GNL3L: variants seen among roughly 807,000 people sequenced by gnomAD.
GNL3L encodes G protein nucleolar 3 like, also known as guanine nucleotide-binding protein-like 3-like protein.
GNL3L carries 4 observed loss-of-function variants against 42.9 expected under a neutral mutation model. The ratio of observed to expected loss-of-function variants is 0.09; its 90% confidence interval spans 0.05 to 0.21. The LOEUF (loss-of-function observed/expected upper bound fraction) is 0.21. Ranked by LOEUF, GNL3L falls within the 10% of genes least tolerant of loss-of-function variation. The pLI, the probability that GNL3L is intolerant of heterozygous loss-of-function variation, is 1.00. For missense variants in GNL3L, 412 were observed against 481.7 expected (o/e 0.86, Z 1.36); for synonymous variants, 159 against 176.3 (o/e 0.90, Z 0.78).
rs781010041 is a variant in GNL3L, at chrX:54,541,408, C to A, written c.306+19C>A. 3 of 1,025,456 alleles carry A rather than the reference C, an allele frequency of 2.9e-6. No homozygotes were observed. In the Admixed American group the frequency reaches 6.7e-5, roughly 23 times the overall value. 84.5% of individuals were successfully genotyped at this position (1,025,456 alleles called of 1,213,427 possible). A position where few individuals can be genotyped will look rare whatever the true frequency, so the allele number is the denominator to read the frequency against. On this transcript the variant is annotated intron_variant, in intron 5 of 15. Transcript: ENST00000360845. The stretch of plus-strand genomic sequence containing the variant: ...GCATAAGGTAAGAGTGCAGCCCTTG[C>A]CCCTGGGTAGGTTTGCTCAAAGCAT...
intron 3 of GNL3L, among the ~76,000 whole-genome samples, chrX:54,539,623 A>C (rs1038071595): frequency 9.0e-6 from 1 of 111,528 alleles, no homozygotes; most frequent in Non-Finnish European, 1.9e-5. Context: ...CACCTGGAGG[A>C]TGGGGGAAAA....
rs1925372492 is a variant in GNL3L at position 54,564,675 on chromosome X, G to A, written c.*4073G>A. 9.4e-6 allele frequency among the ~76,000 whole-genome samples: 1 copy of A among 106,346 alleles called. No homozygotes were observed. Among genetic ancestry groups the A allele is most frequent in the African/African-American group, 3.4e-5 (1 of 29,151 alleles). 92.3% of individuals were successfully genotyped at this position (106,346 alleles called of 115,157 possible). On this transcript the variant is annotated 3_prime_UTR_variant, in exon 16 of 16. Coordinates refer to ENST00000360845, the MANE Select transcript of GNL3L (RefSeq NM_001184819.2). ...CCTGCCTCAGCCTCCCAAAGTGCTG[G>A]GATTACAAGAGTGAGCCACTGCGCC...
intron 16 of GNL3L, among the ~76,000 whole-genome samples, chrX:54,592,645 G>A (rs1300365730): frequency 3.6e-5 from 4 of 110,450 alleles, no homozygotes; most frequent in Admixed American, 2.9e-4. Flanking sequence ...GCAAAACCCT[G>A]TCTCTACAAA....
At chrX:54,630,743 TTTCTTTCC>T in the GNL3L span, among the ~76,000 whole-genome samples, 12 of 96,054 alleles carry the variant, frequency 1.2e-4, no homozygotes, top group African/African-American at 4.6e-4. Flanking sequence ...TTTCTTTCTC[TTTCTTTCC>T]CTTTCTTTCC....
chrX:54,568,488 T>A (rs765175392), downstream of GNL3L, among the ~76,000 whole-genome samples: 4 of 111,384 alleles, frequency 3.6e-5, no homozygotes, highest in Non-Finnish European at 5.6e-5. Context: ...TTTCAGCTTC[T>A]AGAGGCTGCT....
Position 54,560,869 on chromosome X carries a change from C to T in GNL3L, c.*267C>T, listed in dbSNP as rs1925243725. 2 of 184,648 alleles carry T rather than the reference C, an allele frequency of 1.1e-5. No individual in the cohort carries two copies. Among genetic ancestry groups the T allele is most frequent in the African/African-American group, 5.9e-5 (2 of 33,820 alleles). 15.2% of individuals were successfully genotyped at this position (184,648 alleles called of 1,213,427 possible). On this transcript the variant is annotated 3_prime_UTR_variant, in exon 16 of 16. Transcript: ENST00000360845. Reference sequence around the variant, plus strand: ...CAGCCTGGCCAACATGGTGAAACCCCGTCTCTACTAAAAATACAAAAAAAT... The same window carrying T: ...CAGCCTGGCCAACATGGTGAAACCCTGTCTCTACTAAAAATACAAAAAAAT...
At position 54,599,863 on chromosome X, in the gene GNL3L, T is replaced by C. The variant is rs772218859; in HGVS notation, c.*46-20982T>C. Among the ~76,000 whole-genome samples the C allele has an allele frequency of 4.3e-4, 48 of 111,423 alleles. No homozygotes were observed. The Middle Eastern group carries it at 0.018, about 43-fold the overall frequency. On this transcript the variant is annotated intron_variant, in intron 16 of 16. Transcript: ENST00000674498. ...TCTGTTGGGACCATTCATTGAATTT[T>C]AAAATTTTGGTTAATGTAGTTTTCT...
At chrX:54,635,734 T>TAA in the GNL3L span, among the ~76,000 whole-genome samples, 556 of 90,774 alleles carry the variant, frequency 6.1e-3, 5 homozygotes, top group African/African-American at 0.022. Flanking sequence ...TGTCAGGAAC[T>TAA]AAAAAAAAAA....
chrX:54,575,275 T>A (rs1430445417), intron 16 of GNL3L, among the ~76,000 whole-genome samples: 3 of 112,704 alleles, frequency 2.7e-5, no homozygotes, highest in Non-Finnish European at 3.7e-5. Context: ...GCTCAATATA[T>A]TTTAAATTTT....
chrX:54,535,479 T>C (rs915885325), intron 2 of GNL3L, among the ~76,000 whole-genome samples: 3 of 112,062 alleles, frequency 2.7e-5, no homozygotes, highest in Non-Finnish European at 5.6e-5. Context: ...TATTTATGTT[T>C]TGCTAACTTG....
At chrX:54,537,218 C>T (rs1241633477) in intron 2 of GNL3L, among the ~76,000 whole-genome samples, 1 of 109,287 alleles carries the variant, frequency 9.2e-6, no homozygotes, top group African/African-American at 3.3e-5. Flanking sequence ...TAGACAAGGT[C>T]TCACTATGTT....
At chrX:54,544,678 A>G (rs1924723138) in intron 8 of GNL3L, among the ~76,000 whole-genome samples, 1 of 109,649 alleles carries the variant, frequency 9.1e-6, no homozygotes, top group African/African-American at 3.3e-5. Context: ...GGGTTTTGCC[A>G]TGTTGACCAG....
chrX:54,641,943 G>C, the GNL3L span, among the ~76,000 whole-genome samples: 1 of 111,776 alleles, frequency 8.9e-6, no homozygotes, highest in Non-Finnish European at 1.9e-5. Flanking sequence ...CAGACATGTA[G>C]TGCAGATGAA....
intron 13 of GNL3L, among the ~76,000 whole-genome samples, chrX:54,552,829 G>C (rs1924987241): frequency 9.0e-6 from 1 of 111,562 alleles, no homozygotes; most frequent in Non-Finnish European, 1.9e-5. Flanking sequence ...ACCCCTATCG[G>C]TGAGTAAGGT....
rs1298297257 is a variant in GNL3L, at chrX:54,566,746, GA to G, written c.*6149del. 8.9e-6 allele frequency among the ~76,000 whole-genome samples: 1 copy of G among 111,744 alleles called. No individual in the cohort carries two copies. Among genetic ancestry groups the G allele is most frequent in the Non-Finnish European group, 1.9e-5 (1 of 53,184 alleles). ...ATTGTTCCCACCTTTTGGCTATTGT[GA>G]AAAATGCTGTTATGAATATGGGTAT... On this transcript the variant is annotated 3_prime_UTR_variant, in exon 16 of 16. Coordinates refer to ENST00000360845, the MANE Select transcript of GNL3L (RefSeq NM_001184819.2).
the GNL3L span, among the ~76,000 whole-genome samples, chrX:54,626,722 T>C: frequency 2.7e-5 from 3 of 111,986 alleles, no homozygotes; most frequent in Non-Finnish European, 5.6e-5. Flanking sequence ...TGAGGTGATA[T>C]GATATCTCAT....
At chrX:54,628,970 AATT>A in the GNL3L span, among the ~76,000 whole-genome samples, 1 of 106,474 alleles carries the variant, frequency 9.4e-6, no homozygotes, top group Non-Finnish European at 1.9e-5. Context: ...TATAAAATAT[AATT>A]ATAAAATATA....
intron 16 of GNL3L, among the ~76,000 whole-genome samples, chrX:54,613,860 T>C (rs1458107698): frequency 9.0e-6 from 1 of 110,568 alleles, no homozygotes; most frequent in East Asian, 2.9e-4. Context: ...TGAGGATTCT[T>C]AGCTTTGTTG....
chrX:54,624,438 C>CTT (rs761943977), downstream of GNL3L, among the ~76,000 whole-genome samples: 24 of 82,445 alleles, frequency 2.9e-4, no homozygotes, highest in Non-Finnish European at 4.1e-4. Context: ...TTTTCTTTTT[C>CTT]TTTTTTTTTT....
Sources: gnomAD v4.1 joint callset for allele counts (sites outside exome capture counted in the v4.1 genomes callset) on GRCh38, gnomAD v4.1.1 for gene constraint, MANE v1.5 for transcripts, NCBI Gene and HGNC (gene_info 2026-07-23, HGNC 2026-07-21) for gene names.